The following FKBP15 variants were observed in gnomAD, a reference collection of about 807,000 sequenced individuals.
FKBP15 encodes the protein FKBP prolyl isomerase family member 15.
In FKBP15, 106 loss-of-function variants were observed where a neutral mutation model predicts 158.1. The ratio of observed to expected loss-of-function variants is 0.67; its 90% CI spans 0.57 to 0.79. FKBP15 has a LOEUF of 0.79. FKBP15 is among the 30% of genes least tolerant of loss of function. The pLI is 0.00. For synonymous variants in FKBP15, 547 were observed against 548.6 expected, an observed-to-expected ratio of 1.00 and a Z score of 0.04; for missense variants, 1,287 against 1,479.1, an observed-to-expected ratio of 0.87 and a Z score of 2.13.
Position 113,164,168 on chromosome 9 carries a change from A to G in FKBP15, c.*1910T>C, listed in dbSNP as rs1433817876. 2.6e-5 allele frequency: 4 copies of G among 152,578 alleles called. No individual in the cohort carries two copies. Among genetic ancestry groups the G allele is most frequent in the South Asian group, 4.1e-4 (2 of 4,834 alleles). 9.5% of individuals were successfully genotyped at this position (152,578 alleles called of 1,614,324 possible). A position where few individuals can be genotyped will look rare whatever the true frequency, so the allele number is the denominator to read the frequency against. On this transcript the variant is annotated 3_prime_UTR_variant, in exon 28 of 28. Transcript: ENST00000238256. ...TGACTGTTCTGTTCTCCTAATTCCAACAGAAAGCACATGAACCCTTGTAAC... is the reference window on the plus strand; with the variant it reads ...TGACTGTTCTGTTCTCCTAATTCCAGCAGAAAGCACATGAACCCTTGTAAC...
At chr9:113,217,219 T>G (rs10817463) in intron 1 of FKBP15, among the ~76,000 whole-genome samples, 6,263 of 143,544 alleles carry the variant, frequency 0.044, 235 homozygotes, top group South Asian at 0.079. Context: ...TTTTTTTTTT[T>G]TTTTTTTTAA....
At chr9:113,185,535 C>T (rs1223176609) in intron 15 of FKBP15, among the ~76,000 whole-genome samples, 1 of 152,196 alleles carries the variant, frequency 6.6e-6, no homozygotes, top group East Asian at 1.9e-4. Context: ...TACCACTGTC[C>T]TAATACCAAA....
Position 113,183,805 on chromosome 9 carries a change from T to C in FKBP15, c.1757A>G (p.Asn586Ser), listed in dbSNP as rs765834768. 5.6e-6 allele frequency: 9 copies of C among 1,613,558 alleles called. No homozygotes were observed. The African/African-American group carries it at 9.3e-5, about 17-fold the overall frequency. Reference protein sequence around the residue: ...RLKQEILEKSNRIEEQNDKIS... With the variant: ...RLKQEILEKSSRIEEQNDKIS... ...CTTGTCATTCTGTTCTTCTATCCGA[T>C]TGCTCTTTTCAAGGATCTCTTGCTT... is the stretch of plus-strand genomic sequence containing the variant. The change falls in exon 18 of 28, where the codon AAT (asparagine) becomes AGT (serine). Residue 586 changes from asparagine (N) to serine (S), a missense_variant. Asn to Ser is a conservative substitution (Grantham distance 46, BLOSUM62 1). Transcript: ENST00000238256.
intron 2 of FKBP15, among the ~76,000 whole-genome samples, chr9:113,209,297 T>C (rs192260764): frequency 6.6e-6 from 1 of 152,196 alleles, no homozygotes; most frequent in East Asian, 1.9e-4. Context: ...TTAAGTACAA[T>C]AAAAAATAAA....
chr9:113,199,886 A>G lies in FKBP15; in HGVS notation c.576T>C (p.Pro192=). The change falls in exon 7 of 28, where the codon CCT becomes CCC. Residue 192 remains proline, a synonymous_variant. Transcript: ENST00000238256. ...CCAAAGAATCTCCAACTTCTACAGC[A>G]GGGCCGTCTGCCACAATGAGGTCCT... ...LSQDLIVADG[P]AVEVGDSLEV... The G allele has an allele frequency of 6.2e-7, 1 of 1,613,340 alleles. No individual in the cohort carries two copies. The highest frequency in any genetic ancestry group is 8.5e-7 in the Non-Finnish European group (1 of 1,179,632).
intron 24 of FKBP15, among the ~76,000 whole-genome samples, chr9:113,170,895 A>C (rs1830196346): frequency 6.6e-6 from 1 of 152,120 alleles, no homozygotes; most frequent in South Asian, 2.1e-4. Context: ...CTGCTTAAAG[A>C]CCATTTCTTG....
rs763543063 is a variant in FKBP15 at position 113,207,213 on chromosome 9, A to G, written c.253T>C (p.Tyr85His). 7 of 1,611,008 alleles carry G rather than the reference A, an allele frequency of 4.3e-6. No homozygotes were observed. The East Asian group carries it at 8.9e-5, about 21-fold the overall frequency. ...LVATAVHAYR[Y>H]TNGQYVKQGK... is the part of the protein sequence containing the mutation. ...GGGTGTTCCTTCTCAGCGACTTACT[A>G]TCGATATGCATGGACTGCTGTTGCG... The change falls in exon 3 of 28, where the codon TAC becomes CAC. Residue 85 changes from tyrosine (Y) to histidine (H), a missense_variant and splice_region_variant. By Grantham distance (83) the Tyr-to-His change is moderately conservative. Coordinates refer to ENST00000238256, the MANE Select transcript of FKBP15 (RefSeq NM_015258.2).
At position 113,198,859 on chromosome 9, in the gene FKBP15, A is replaced by G; in HGVS notation, c.713T>C (p.Ile238Thr). 2 of 1,601,952 alleles carry G rather than the reference A, an allele frequency of 1.2e-6. No homozygotes were observed. Among genetic ancestry groups the G allele is most frequent in the Non-Finnish European group, 1.7e-6 (2 of 1,173,438 alleles). The change falls in exon 8 of 28, where the codon ATC becomes ACC. Residue 238 changes from isoleucine (I) to threonine (T), a missense_variant. Physicochemically the swap from Ile to Thr is moderately conservative, Grantham distance 89 (BLOSUM62 -1). Coordinates refer to ENST00000238256, the MANE Select transcript of FKBP15 (RefSeq NM_015258.2). This position sits in a 1 kb window ranked among gnomAD's most constrained non-coding sequence, Gnocchi z 5.2. Reference sequence around the variant, plus strand: ...AAAACACAGTTAAGCCTTTACCTTGATGACTTTTCCTGATCCTAACTTCAA... The same window carrying G: ...AAAACACAGTTAAGCCTTTACCTTGGTGACTTTTCCTGATCCTAACTTCAA... ...LRLKLGSGKV[I>T]KGWEDGMLGM...
At chr9:113,192,276 G>A (rs1035540364) in intron 11 of FKBP15, among the ~76,000 whole-genome samples, 1 of 152,178 alleles carries the variant, frequency 6.6e-6, no homozygotes. Flanking sequence ...AATAATTCCT[G>A]TTGGATTGAA....
chr9:113,194,155 T>G lies in FKBP15; in HGVS notation c.879A>C (p.Arg293Ser). The G allele has an allele frequency of 6.2e-7, 1 of 1,610,450 alleles. No individual in the cohort carries two copies. The highest frequency in any genetic ancestry group is 8.5e-7 in the Non-Finnish European group (1 of 1,177,926). The change falls in exon 10 of 28, where the codon AGA becomes AGC. Residue 293 changes from arginine to serine, a missense_variant. Coordinates refer to ENST00000238256, the MANE Select transcript of FKBP15 (RefSeq NM_015258.2). ...EVEVRRVKFA[R>S]DSGSDGHSVS... is the part of the protein sequence containing the mutation. Reference sequence around the variant, plus strand: ...CACTGTGACCATCAGAGCCAGAATCTCTGGCAAACTTCACCTAAGGAAACA... The same window carrying G: ...CACTGTGACCATCAGAGCCAGAATCGCTGGCAAACTTCACCTAAGGAAACA...
chr9:113,207,101 T>C, intron 3 of FKBP15, 111 bp downstream of exon 3: 1 of 802,694 alleles, frequency 1.2e-6, no homozygotes, highest in Non-Finnish European at 2.1e-6. Context: ...ATTTTGTCCG[T>C]GGAAGGGCTA....
Position 113,162,049 on chromosome 9 carries a change from C to G in FKBP15, c.*4029G>C. ...TAGGCTCCCATATCCAGGAGGGGAT[C>G]TGCAGCTGTCCTGAAGCAATGTATC... On this transcript the variant is annotated 3_prime_UTR_variant, in exon 28 of 28. Coordinates refer to ENST00000238256, the MANE Select transcript of FKBP15 (RefSeq NM_015258.2). 2.6e-6 allele frequency: 1 copy of G among 378,138 alleles called. No homozygotes were observed. The highest frequency in any genetic ancestry group is 2.3e-5 in the South Asian group (1 of 44,082). 23.4% of individuals were successfully genotyped at this position (378,138 alleles called of 1,614,324 possible). A position where few individuals can be genotyped will look rare whatever the true frequency, so the allele number is the denominator to read the frequency against.
chr9:113,186,222 T>C lies in FKBP15; in HGVS notation c.1498+27A>G, dbSNP rs377081239. 14 of 1,485,472 alleles carry C rather than the reference T, an allele frequency of 9.4e-6. No homozygotes were observed. The African/African-American group carries it at 9.8e-5, about 10-fold the overall frequency. The allele number at this position is 1,485,472 out of a possible 1,614,324, so 92.0% of individuals were successfully genotyped here. A position where few individuals can be genotyped will look rare whatever the true frequency, so the allele number is the denominator to read the frequency against. On this transcript the variant is annotated intron_variant, in intron 15 of 27. Coordinates refer to ENST00000238256, the MANE Select transcript of FKBP15 (RefSeq NM_015258.2). ...GGGAAAGCACAGCAAGAGCGGAAGA[T>C]GAGAAACTGAGGGAATTACTCCCTA...
In FKBP15 at chr9:113,162,006, A is replaced by C; in HGVS notation, c.*4072T>G. On this transcript the variant is annotated 3_prime_UTR_variant, in exon 28 of 28. Transcript: ENST00000238256. ...GGCCACCCACCCTCCCCCAAATCTC[A>C]CCAGTTCCATGGGTCACTAGGCTCC... is the stretch of plus-strand genomic sequence containing the variant. The C allele has an allele frequency of 1.3e-5, 6 of 450,936 alleles. No homozygotes were observed. The highest frequency in any genetic ancestry group is 2.5e-5 in the Non-Finnish European group (6 of 243,936). 27.9% of individuals were successfully genotyped at this position (450,936 alleles called of 1,614,324 possible).
At chr9:113,178,995 T>C (rs915090451) in intron 19 of FKBP15, among the ~76,000 whole-genome samples, 194 bp from the exon 20 acceptor site, 1 of 152,122 alleles carries the variant, frequency 6.6e-6, no homozygotes. Context: ...ACTACTATTA[T>C]GACTCCTATA....
rs545106469 is a variant in FKBP15 at position 113,162,722 on chromosome 9, A to G, written c.*3356T>C. ...TCCTCATTACCAGCTCATTACCAGG[A>G]TTAACTTGCTTCTCCTTTTTATCTA... On this transcript the variant is annotated 3_prime_UTR_variant, in exon 28 of 28. Coordinates refer to ENST00000238256, the MANE Select transcript of FKBP15 (RefSeq NM_015258.2). The G allele has an allele frequency of 6.3e-7, 1 of 1,597,586 alleles. No individual in the cohort carries two copies. Among genetic ancestry groups the G allele is most frequent in the Admixed American group, 1.7e-5 (1 of 58,820 alleles).
rs747893207 is a variant in FKBP15, at chr9:113,193,535, C to T, written c.1022G>A (p.Arg341His). 43 of 1,598,608 alleles carry T rather than the reference C, an allele frequency of 2.7e-5. No individual in the cohort carries two copies. The highest frequency in any genetic ancestry group is 3.3e-4 in the Middle Eastern group (2 of 6,044). ...IPFKSGEPAL[R>H]TKSNSLSEQL... Reference sequence around the variant, plus strand: ...TTCACTGAGGGAGTTAGATTTGGTACGAAGAGCTGGCTCCCTGAAAGCAAA... The same window carrying T: ...TTCACTGAGGGAGTTAGATTTGGTATGAAGAGCTGGCTCCCTGAAAGCAAA... The change falls in exon 11 of 28, where the codon CGT becomes CAT. Residue 341 changes from arginine (R) to histidine (H), a missense_variant. Arg to His is a conservative substitution (Grantham distance 29, BLOSUM62 0). Coordinates refer to ENST00000238256, the MANE Select transcript of FKBP15 (RefSeq NM_015258.2).
chr9:113,174,559 ACTT>A lies in FKBP15; in HGVS notation c.2245_2247del (p.Lys749del). On this transcript the variant is annotated inframe_deletion, in exon 22 of 28. Transcript: ENST00000238256. ...TCGGCCTGAGAACGCTCTTGAGCTG[ACTT>A]CTTTTTCCTTTCTGAGAGGTTCTTA... 2 of 1,613,756 alleles carry A rather than the reference ACTT, an allele frequency of 1.2e-6. No homozygotes were observed. Among genetic ancestry groups the A allele is most frequent in the African/African-American group, 1.3e-5 (1 of 75,026 alleles).
At position 113,184,971 on chromosome 9, in the gene FKBP15, G is replaced by C. The variant is rs1278828461; in HGVS notation, c.1499-167C>G. 6.6e-6 allele frequency among the ~76,000 whole-genome samples: 1 copy of C among 152,244 alleles called. No homozygotes were observed. The highest frequency in any genetic ancestry group is 2.4e-5 in the African/African-American group (1 of 41,470). On this transcript the variant is annotated intron_variant, in intron 15 of 27. Transcript: ENST00000238256. The surrounding 1 kb of genome is among the most constrained non-coding windows in gnomAD (Gnocchi z 4.5). ...AGGAGAAGATATATGGGAGAGAGTA[G>C]AGGCAAAAGGGCTTCAAAGTAAACA... is the stretch of plus-strand genomic sequence containing the variant.
Sources: allele counts gnomAD v4.1 joint callset (sites outside exome capture counted in the v4.1 genomes callset), GRCh38; gene constraint gnomAD v4.1.1; non-coding constraint Gnocchi (gnomAD v3.1); transcripts MANE v1.5; gene names NCBI Gene and HGNC (gene_info 2026-07-23, HGNC 2026-07-21).